PTPRS: variants seen among roughly 807,000 people sequenced by gnomAD.
The protein encoded by PTPRS is protein tyrosine phosphatase receptor type S.
PTPRS carries 63 observed loss-of-function variants against 215.3 expected under a neutral mutation model. The observed-to-expected ratio is 0.29, with a 90% CI of 0.24 to 0.36. The LOEUF (loss-of-function observed/expected upper bound fraction) is 0.36, where lower values mean the gene tolerates loss of function less well. Among genes scored for constraint, PTPRS ranks in the 10% least tolerant of loss-of-function variants. The pLI is 1.00. For missense variants in PTPRS, 2,258 were observed against 2,825.8 expected, an observed-to-expected ratio of 0.80 and a Z score of 4.56; for synonymous variants, 1,404 against 1,191.4, an observed-to-expected ratio of 1.18 and a Z score of -3.68.
chr19:5,220,295 G>A lies in PTPRS; in HGVS notation c.3514C>T (p.Pro1172Ser). The change falls in exon 21 of 38, where the codon CCG becomes TCG. Residue 1172 changes from proline to serine, a missense_variant. By Grantham distance (74) the Pro-to-Ser change is moderately conservative (BLOSUM62 -1). Around this residue, in one of 6 missense-constraint regions of PTPRS, gnomAD observed 927 missense variants for 1,125.9 expected, o/e 0.82. Coordinates refer to ENST00000262963, the MANE Select transcript of PTPRS (RefSeq NM_002850.4). ...TCCATGTCCTCTGGGCTACCCAGCGGGGTCAGGAATTGGCCTCCACGAGAC... is the reference window on the plus strand; with the variant it reads ...TCCATGTCCTCTGGGCTACCCAGCGAGGTCAGGAATTGGCCTCCACGAGAC... ...RKSRGGQFLT[P>S]LGSPEDMDLE... The A allele has an allele frequency of 1.2e-6, 2 of 1,614,128 alleles. No homozygotes were observed. The highest frequency in any genetic ancestry group is 2.2e-5 in the East Asian group (1 of 44,886).
Position 5,340,644 on chromosome 19 carries a change from A to AATCCATGATTTTT in PTPRS, c.-95+19_-95+20insAAAAATCATGGAT, listed in dbSNP as rs2051081709. 7.1e-6 allele frequency: 1 copy of AATCCATGATTTTT among 140,762 alleles called. No homozygotes were observed. The highest frequency in any genetic ancestry group is 2.8e-4 in the East Asian group (1 of 3,602). 8.7% of individuals were successfully genotyped at this position (140,762 alleles called of 1,614,324 possible). On this transcript the variant is annotated intron_variant, in intron 1 of 37. Coordinates refer to ENST00000262963, the MANE Select transcript of PTPRS (RefSeq NM_002850.4). The stretch of plus-strand genomic sequence containing the variant: ...TTTTTTTCCTCTAATCCATGATTTT[A>AATCCATGATTTTT]TTTTTTTTTTTGGCTTTACCTGGAG...
At chr19:5,238,803 G>A (rs564506937) in intron 13 of PTPRS, 116 bp downstream of exon 13, 23 of 1,355,602 alleles carry the variant, frequency 1.7e-5, no homozygotes, top group Admixed American at 6.3e-5. Context: ...GAGACAGGCC[G>A]GGAGGCGCCC....
At chr19:5,227,821 AAGTG>A (rs2042636093) in intron 16 of PTPRS, among the ~76,000 whole-genome samples, 1 of 152,142 alleles carries the variant, frequency 6.6e-6, no homozygotes, top group African/African-American at 2.4e-5. Context: ...GGTGCTCAAT[AAGTG>A]AGTGCTCGTC....
Position 5,231,449 on chromosome 19 carries a change from G to A in PTPRS, c.2016C>T (p.Asn672=), listed in dbSNP as rs144831782. The change falls in exon 14 of 38, where the codon AAC becomes AAT. Residue 672 remains asparagine, a synonymous_variant. Coordinates refer to ENST00000262963, the MANE Select transcript of PTPRS (RefSeq NM_002850.4). ...GSEDPEPKEV[N]GIPPTTTQIL... ...TCTGAGTGGTGGTCGGGGGGATGCC[G>A]TTCACCTCCTTGGGTTCCGGGTCCT... 17 of 1,612,826 alleles carry A rather than the reference G, an allele frequency of 1.1e-5. No individual in the cohort carries two copies. In the African/African-American group the frequency reaches 1.5e-4, roughly 14 times the overall value.
At chr19:5,296,731 G>GGGAA (rs2049147463) in intron 1 of PTPRS, among the ~76,000 whole-genome samples, 1 of 145,412 alleles carries the variant, frequency 6.9e-6, no homozygotes, top group South Asian at 2.2e-4. Context: ...AGGGGAGGGA[G>GGGAA]GGGAGGGAAG....
At chr19:5,279,708 AG>A (rs2047687030) in intron 2 of PTPRS, among the ~76,000 whole-genome samples, 2 of 151,760 alleles carry the variant, frequency 1.3e-5, no homozygotes, top group South Asian at 4.2e-4. Flanking sequence ...TTTGAGACAG[AG>A]TCTCACTGTG....
At chr19:5,327,504 C>T (rs190519157) in intron 1 of PTPRS, among the ~76,000 whole-genome samples, 1 of 152,252 alleles carries the variant, frequency 6.6e-6, no homozygotes, top group East Asian at 1.9e-4. Flanking sequence ...TAAACCCGAT[C>T]CCCCAAAGAT....
rs1401543136 is a variant in PTPRS, at chr19:5,212,066, C to T, written c.4954G>A (p.Gly1652Ser). Reference sequence around the variant, plus strand: ...CTGCGTGCGGGCACTTCTGTGTTGCCACAGCCCACGGCCTCCAGCAGGGCC... The same window carrying T: ...CTGCGTGCGGGCACTTCTGTGTTGCTACAGCCCACGGCCTCCAGCAGGGCC... ...HEALLEAVGCGNTEVPARSLY... is the reference protein window; with the variant it reads ...HEALLEAVGCSNTEVPARSLY... Residue 1652 changes from glycine to serine, a missense_variant, in exon 32 of 38, where the codon GGC becomes AGC. Physicochemically the swap from Gly to Ser is moderately conservative, Grantham distance 56. Around this residue, in one of 6 missense-constraint regions of PTPRS, gnomAD observed 927 missense variants for 1,125.9 expected, o/e 0.82. Transcript: ENST00000262963. 1 of 1,613,956 alleles carries T rather than the reference C, an allele frequency of 6.2e-7. No homozygotes were observed. The highest frequency in any genetic ancestry group is 1.3e-5 in the African/African-American group (1 of 74,958).
intron 14 of PTPRS, among the ~76,000 whole-genome samples, chr19:5,230,983 A>T (rs907031316): frequency 2.0e-5 from 3 of 152,190 alleles, no homozygotes; most frequent in Non-Finnish European, 2.9e-5. Context: ...TGATCAGCAC[A>T]TTGTTGTTGC....
In PTPRS at chr19:5,274,185, CT is replaced by C. The variant is rs2047164047; in HGVS notation, c.237+13del. On this transcript the variant is annotated intron_variant, in intron 3 of 37. Transcript: ENST00000262963. ...AGCATTGACCCCAGGCTGCCTCCCC[CT>C]ACCCCAACTCACCTCAAAGCGCTGA... 2 of 1,603,286 alleles carry C rather than the reference CT, an allele frequency of 1.2e-6. No homozygotes were observed. The highest frequency in any genetic ancestry group is 1.7e-6 in the Non-Finnish European group (2 of 1,171,476).
At position 5,223,094 on chromosome 19, in the gene PTPRS, T is replaced by A; in HGVS notation, c.2698A>T (p.Thr900Ser). ...CGGGCCGCAAGCCGGAACACATACG[T>A]GGCCCCCTTGTGCACGCCTGATGCC... is the stretch of plus-strand genomic sequence containing the variant. ...YTASGVHKGA[T>S]YVFRLAARSR... is the part of the protein sequence containing the mutation. The change falls in exon 18 of 38, where the codon ACG becomes TCG. Residue 900 changes from threonine to serine, a missense_variant. Transcript: ENST00000262963. 1 of 1,563,246 alleles carries A rather than the reference T, an allele frequency of 6.4e-7. No individual in the cohort carries two copies. The highest frequency in any genetic ancestry group is 8.7e-7 in the Non-Finnish European group (1 of 1,154,274).
In PTPRS at chr19:5,244,738, C is replaced by T. The variant is rs549506681; in HGVS notation, c.989-256G>A. ...TCTGTCACCCACAGTGGCACGATCT[C>T]GGCTCACTGCAAGCTCCGTCTCCCG... is the stretch of plus-strand genomic sequence containing the variant. On this transcript the variant is annotated intron_variant, in intron 10 of 37. Coordinates refer to ENST00000262963, the MANE Select transcript of PTPRS (RefSeq NM_002850.4). This position sits in a 1 kb window ranked among gnomAD's most constrained non-coding sequence, Gnocchi z 7.2. 5.9e-5 allele frequency among the ~76,000 whole-genome samples: 9 copies of T among 152,214 alleles called. No individual in the cohort carries two copies. The South Asian group carries it at 8.3e-4, about 14-fold the overall frequency.
chr19:5,231,433 T>C lies in PTPRS; in HGVS notation c.2032A>G (p.Thr678Ala), dbSNP rs2043004137. 6.2e-7 allele frequency: 1 copy of C among 1,612,802 alleles called. No homozygotes were observed. The highest frequency in any genetic ancestry group is 8.5e-7 in the Non-Finnish European group (1 of 1,179,822). ...AAGGCCTCCAGCAGGATCTGAGTGGTGGTCGGGGGGATGCCGTTCACCTCC... is the reference window on the plus strand; with the variant it reads ...AAGGCCTCCAGCAGGATCTGAGTGGCGGTCGGGGGGATGCCGTTCACCTCC... The part of the protein sequence containing the change: ...PKEVNGIPPT[T>A]TQILLEALEK... The change falls in exon 14 of 38, where the codon ACC (threonine) becomes GCC (alanine). Residue 678 changes from threonine to alanine, a missense_variant. Coordinates refer to ENST00000262963, the MANE Select transcript of PTPRS (RefSeq NM_002850.4).
At chr19:5,297,730 A>C (rs2049178974) in intron 1 of PTPRS, among the ~76,000 whole-genome samples, 1 of 151,924 alleles carries the variant, frequency 6.6e-6, no homozygotes, top group Non-Finnish European at 1.5e-5. Flanking sequence ...TGCAGGCAGG[A>C]GGAACAGCAA....
intron 30 of PTPRS, among the ~76,000 whole-genome samples, chr19:5,213,063 C>T (rs577015683): frequency 9.2e-5 from 14 of 152,284 alleles, no homozygotes; most frequent in Admixed American, 9.1e-4. Flanking sequence ...GGGAGTCACC[C>T]TTAACTCTTC....
In PTPRS at chr19:5,313,872, G is replaced by A. The variant is rs551021135; in HGVS notation, c.-95+26792C>T. 5.9e-3 allele frequency among the ~76,000 whole-genome samples: 900 copies of A among 152,144 alleles called. 11 individuals are homozygous for A. The highest frequency in any genetic ancestry group is 0.021 in the African/African-American group (878 of 41,508). On this transcript the variant is annotated intron_variant, in intron 1 of 37. Transcript: ENST00000262963. ...AGCATTTTGGGAGCCTGAGGCAGGC[G>A]GACTGCTTGAGCCCAGCAGTTCAAG...
intron 6 of PTPRS, among the ~76,000 whole-genome samples, chr19:5,261,100 C>T (rs2045959746): frequency 6.6e-6 from 1 of 152,086 alleles, no homozygotes; most frequent in African/African-American, 2.4e-5. Context: ...AGTCTAGAAG[C>T]CTCTCTGGAT....
At chr19:5,213,677 T>C (rs1247804472) in intron 30 of PTPRS, among the ~76,000 whole-genome samples, 1 of 152,002 alleles carries the variant, frequency 6.6e-6, no homozygotes, top group Non-Finnish European at 1.5e-5. Flanking sequence ...ATGTGTGTGA[T>C]TGAACCAAGA....
At chr19:5,297,946 C>G (rs2147069488) in intron 1 of PTPRS, among the ~76,000 whole-genome samples, 1 of 152,124 alleles carries the variant, frequency 6.6e-6, no homozygotes, top group African/African-American at 2.4e-5. Flanking sequence ...GCGCACACCA[C>G]CACGCCCGGC....
Sources: gnomAD v4.1 joint callset for allele counts (sites outside exome capture counted in the v4.1 genomes callset) on GRCh38, gnomAD v4.1.1 for gene constraint, gnomAD v4.1.1 regional missense constraint, Gnocchi (gnomAD v3.1) non-coding constraint, MANE v1.5 for transcripts, NCBI Gene and HGNC (gene_info 2026-07-23, HGNC 2026-07-21) for gene names.